WDFY4: variants seen among roughly 807,000 people sequenced by gnomAD.
The protein encoded by WDFY4 is WD repeat- and FYVE domain-containing protein 4.
WDFY4 carries 169 observed loss-of-function variants against 351.9 expected under a neutral mutation model. That is an observed-to-expected ratio of 0.48 (90% CI 0.42 to 0.55). WDFY4 has a LOEUF of 0.55. Among genes scored for constraint, WDFY4 ranks in the 20% least tolerant of loss-of-function variants. The pLI is 0.00. For synonymous variants in WDFY4, 1,622 were observed against 1,574.6 expected (o/e 1.03, Z -0.71); for missense variants, 3,803 against 3,935.6 (o/e 0.97, Z 0.90).
At chr10:48,712,820 A>G (rs1243819554) in intron 2 of WDFY4, among the ~76,000 whole-genome samples, 1 of 145,212 alleles carries the variant, frequency 6.9e-6, no homozygotes, top group Non-Finnish European at 1.6e-5. Context: ...CCTTGGAAAT[A>G]ACAGAACCTA....
At chr10:48,742,362 T>C (rs994232794) in intron 11 of WDFY4, among the ~76,000 whole-genome samples, 2 of 152,272 alleles carry the variant, frequency 1.3e-5, no homozygotes, top group Admixed American at 1.3e-4. Context: ...TGATTCATTT[T>C]ACTGTTTCCC....
chr10:48,691,239 G>C (rs1387363517), intron 1 of WDFY4, among the ~76,000 whole-genome samples: 3 of 151,524 alleles, frequency 2.0e-5, no homozygotes, highest in Non-Finnish European at 4.4e-5. Flanking sequence ...GAAGTGGCAG[G>C]CTCGGTGGTC....
At chr10:48,764,750 C>T (rs1024728362) in intron 13 of WDFY4, among the ~76,000 whole-genome samples, 26 of 152,380 alleles carry the variant, frequency 1.7e-4, no homozygotes, top group African/African-American at 6.0e-4. Context: ...TGAATAATTA[C>T]AGACCACCTA....
intron 20 of WDFY4, among the ~76,000 whole-genome samples, chr10:48,787,162 T>C (rs1218566895): frequency 6.6e-6 from 1 of 152,222 alleles, no homozygotes; most frequent in Non-Finnish European, 1.5e-5. Flanking sequence ...TACATTGCTT[T>C]TAATGAAGAA....
At chr10:48,803,680 C>T (rs1038687743) in intron 25 of WDFY4, among the ~76,000 whole-genome samples, 1 of 152,144 alleles carries the variant, frequency 6.6e-6, no homozygotes, top group African/African-American at 2.4e-5. Context: ...AGTCAGGGCT[C>T]TTTTACCCTT....
chr10:48,978,280 C>A (rs765162770), intron 59 of WDFY4, 29 bp from the exon 60 acceptor site: 1 of 1,546,176 alleles, frequency 6.5e-7, no homozygotes, highest in East Asian at 2.4e-5. Flanking sequence ...TCGTCTTCCC[C>A]GCCGATGACA....
intron 1 of WDFY4, among the ~76,000 whole-genome samples, chr10:48,687,695 A>G (rs1589384288): frequency 6.9e-6 from 1 of 145,004 alleles, no homozygotes; most frequent in African/African-American, 2.6e-5. Context: ...GCTCACTGCA[A>G]CCTCCACCTC....
At chr10:48,961,107 G>A (rs548497182) in intron 53 of WDFY4, among the ~76,000 whole-genome samples, 103 of 152,328 alleles carry the variant, frequency 6.8e-4, no homozygotes, top group Non-Finnish European at 1.3e-3. Flanking sequence ...AATAACCTGA[G>A]GCAGGTGTGA....
rs1312770878 is a variant in WDFY4, at chr10:48,811,647, A to G, written c.5153A>G (p.Tyr1718Cys). 1.9e-6 allele frequency: 3 copies of G among 1,551,676 alleles called. No homozygotes were observed. Among genetic ancestry groups the G allele is most frequent in the Admixed American group, 2.0e-5 (1 of 50,974 alleles). Residue 1718 changes from tyrosine to cysteine, a missense_variant, in exon 30 of 62, where the codon TAC becomes TGC. Physicochemically the swap from Tyr to Cys is radical, Grantham distance 194. Around this residue, in one of 3 missense-constraint regions of WDFY4, gnomAD observed 3,054 missense variants for 3,148.6 expected, o/e 0.97. Transcript: ENST00000325239. ...CACCACGTCCACATTCCAGAGGTCT[A>G]CCTCATCGTCTCCACCTTCTTCCTG... ...LAHHVHIPEV[Y>C]LIVSTFFLQT...
chr10:48,968,755 G>T (rs971746673), intron 55 of WDFY4: 1 of 394,904 alleles, frequency 2.5e-6, no homozygotes, highest in Admixed American at 3.7e-5. Flanking sequence ...TCCAAATCCC[G>T]TGCTGTGAGC....
At chr10:48,693,493 T>C (rs1449262942) in intron 1 of WDFY4, among the ~76,000 whole-genome samples, 1 of 152,200 alleles carries the variant, frequency 6.6e-6, no homozygotes, top group African/African-American at 2.4e-5. Context: ...CGTTGAATAA[T>C]TAAGAAAATT....
At position 48,779,148 on chromosome 10, in the gene WDFY4, C is replaced by T. The variant is rs76452526; in HGVS notation, c.3397+316C>T. 7.2e-4 allele frequency among the ~76,000 whole-genome samples: 110 copies of T among 152,336 alleles called. 1 individual carries two copies. In the East Asian group the frequency reaches 0.016, roughly 22 times the overall value. ...AGTCACAATGGGACCCAGGGCTTTG[C>T]CTTGCTGGGACACAGGCTGCATCCT... On this transcript the variant is annotated intron_variant, in intron 18 of 61. Transcript: ENST00000325239.
rs759634570 is a variant in WDFY4, at chr10:48,982,815, C to T, written c.*240C>T. 2 of 572,020 alleles carry T rather than the reference C, an allele frequency of 3.5e-6. No homozygotes were observed. Among genetic ancestry groups the T allele is most frequent in the Middle Eastern group, 2.7e-4 (1 of 3,682 alleles). The allele number at this position is 572,020 out of a possible 1,614,324, so 35.4% of individuals were successfully genotyped here. On this transcript the variant is annotated 3_prime_UTR_variant, in exon 62 of 62. Transcript: ENST00000325239. ...CTGAGCAGCACGCTGGAAACTGTGA[C>T]TTGGTGATGCCCAGCTGCACACGAA...
chr10:48,727,445 T>C, intron 6 of WDFY4, 25 bp from the exon 7 acceptor site: 2 of 1,547,766 alleles, frequency 1.3e-6, no homozygotes, highest in African/African-American at 2.7e-5. Context: ...GCTCAGCAGG[T>C]CTCTCCTGTG....
At chr10:48,710,686 G>A (rs541765539) in intron 2 of WDFY4, among the ~76,000 whole-genome samples, 6 of 152,194 alleles carry the variant, frequency 3.9e-5, no homozygotes, top group Admixed American at 2.6e-4. Flanking sequence ...CCAAGGCCTG[G>A]AAAAGCCAGA....
chr10:48,733,041 C>T lies in WDFY4; in HGVS notation c.1583-890C>T, dbSNP rs949177793. On this transcript the variant is annotated intron_variant, in intron 9 of 61. Transcript: ENST00000325239. The stretch of plus-strand genomic sequence containing the variant: ...AATGAAATTAATGTATTGCTTCATC[C>T]GCTTTCCTTGGTGTTTAAATGAGAA... Among the ~76,000 whole-genome samples, 9 of 152,358 alleles carry T rather than the reference C, an allele frequency of 5.9e-5. No homozygotes were observed. The South Asian group carries it at 1.5e-3, about 25-fold the overall frequency.
chr10:48,788,163 G>A (rs1326079035), intron 20 of WDFY4, among the ~76,000 whole-genome samples: 1 of 151,836 alleles, frequency 6.6e-6, no homozygotes, highest in Non-Finnish European at 1.5e-5. Flanking sequence ...AAGTAGCTGG[G>A]ACTACAGGCA....
intron 13 of WDFY4, among the ~76,000 whole-genome samples, chr10:48,766,015 G>T (rs746477183): frequency 6.6e-6 from 1 of 152,204 alleles, no homozygotes; most frequent in African/African-American, 2.4e-5. Context: ...CTAATTGTAT[G>T]AGTTTCAAGT....
intron 51 of WDFY4, among the ~76,000 whole-genome samples, chr10:48,952,758 C>T (rs1277465837): frequency 6.6e-6 from 1 of 152,176 alleles, no homozygotes; most frequent in African/African-American, 2.4e-5. Flanking sequence ...GGAAGGAAAG[C>T]TAATGGCCAC....
Sources: allele counts gnomAD v4.1 joint callset (sites outside exome capture counted in the v4.1 genomes callset), GRCh38; gene constraint gnomAD v4.1.1; regional missense constraint gnomAD v4.1.1; transcripts MANE v1.5; gene names NCBI Gene and HGNC (gene_info 2026-07-23, HGNC 2026-07-21).